The following FARP1 variants were observed in gnomAD, a reference collection of about 807,000 sequenced individuals.
FARP1 encodes the protein FERM, ARHGEF and pleckstrin domain-containing protein 1.
Under a neutral mutation model 128.8 loss-of-function variants are expected in FARP1, and 52 were observed. That is an observed-to-expected ratio of 0.40 (90% CI 0.32 to 0.51). The LOEUF is 0.51. Ranked by LOEUF, FARP1 falls within the 20% of genes least tolerant of loss-of-function variation. The pLI is 0.45. For missense variants in FARP1, 1,333 were observed against 1,367.9 expected (o/e 0.97, Z 0.40); for synonymous variants, 580 against 551.8 (o/e 1.05, Z -0.72).
In FARP1 at chr13:98,448,406, C is replaced by T. The variant is rs980649801; in HGVS notation, c.*89C>T. 2.8e-6 allele frequency: 3 copies of T among 1,079,424 alleles called. No homozygotes were observed. The African/African-American group carries it at 4.7e-5, about 17-fold the overall frequency. 66.9% of individuals were successfully genotyped at this position (1,079,424 alleles called of 1,614,324 possible). On this transcript the variant is annotated 3_prime_UTR_variant, in exon 27 of 27. Transcript: ENST00000319562. ...TAATGAAGCCTGGTAAAATTAACAC[C>T]TGTCTGAAAATCAAAAACATGGCTT...
At chr13:98,400,730 T>C (rs938495421) in intron 13 of FARP1, 8 of 152,258 alleles carry the variant, frequency 5.3e-5, no homozygotes, top group Non-Finnish European at 1.2e-4. Flanking sequence ...TTCTCTTTTA[T>C]GGTCTGTAAA....
At chr13:98,349,603 G>A (rs34715617) in intron 3 of FARP1, among the ~76,000 whole-genome samples, 22,940 of 148,096 alleles carry the variant, frequency 0.15, 2,286 homozygotes, top group South Asian at 0.26. Flanking sequence ...CCCAGGAGGC[G>A]GAGGATGCAG....
chr13:98,256,977 A>G (rs1176902002), intron 2 of FARP1, among the ~76,000 whole-genome samples: 18 of 132,894 alleles, frequency 1.4e-4, no homozygotes, highest in Non-Finnish European at 1.9e-4. Flanking sequence ...ATATATATAT[A>G]TATATATATA....
At chr13:98,279,963 G>T (rs1403215821) in intron 2 of FARP1, among the ~76,000 whole-genome samples, 5 of 152,054 alleles carry the variant, frequency 3.3e-5, no homozygotes, top group Non-Finnish European at 7.4e-5. Context: ...ACCTTTCTCA[G>T]GTGTTTTCAG....
At chr13:98,359,720 T>C (rs1387413869) in intron 3 of FARP1, among the ~76,000 whole-genome samples, 1 of 152,212 alleles carries the variant, frequency 6.6e-6, no homozygotes, top group Non-Finnish European at 1.5e-5. Context: ...CAGTAAGCGG[T>C]TGTGCAGGTT....
At chr13:98,312,626 T>C (rs919317014) in intron 2 of FARP1, among the ~76,000 whole-genome samples, 2 of 152,172 alleles carry the variant, frequency 1.3e-5, no homozygotes, top group African/African-American at 4.8e-5. Context: ...CTCAGTGGAA[T>C]AATTAGTACA....
At chr13:98,441,363 C>T (rs1165186461) in intron 24 of FARP1, among the ~76,000 whole-genome samples, 1 of 152,230 alleles carries the variant, frequency 6.6e-6, no homozygotes, top group Non-Finnish European at 1.5e-5. Context: ...ATTTCATCGT[C>T]ATTTTACATG....
At position 98,249,253 on chromosome 13, in the gene FARP1, C is replaced by G. The variant is rs79966620; in HGVS notation, c.171+35840C>G. Among the ~76,000 whole-genome samples the G allele has an allele frequency of 6.3e-3, 965 of 152,186 alleles. 9 individuals carry two copies. The highest frequency in any genetic ancestry group is 0.022 in the African/African-American group (911 of 41,514). On this transcript the variant is annotated intron_variant, in intron 2 of 26. Coordinates refer to ENST00000319562, the MANE Select transcript of FARP1 (RefSeq NM_005766.4). ...TAGACGAATAGGAATTTTCAGGTAT[C>G]TTTTGTGATGCTTTAATTGAATTAT...
chr13:98,268,337 G>C (rs542145702), intron 2 of FARP1, among the ~76,000 whole-genome samples: 10 of 152,278 alleles, frequency 6.6e-5, no homozygotes, highest in Non-Finnish European at 1.5e-4. Flanking sequence ...GGAATAAATA[G>C]GTTTGCATGT....
intron 1 of FARP1, among the ~76,000 whole-genome samples, chr13:98,180,450 A>C (rs1333261374): frequency 1.3e-5 from 2 of 152,204 alleles, no homozygotes; most frequent in African/African-American, 4.8e-5. Context: ...TGGAGGGGAC[A>C]GACATCCAAA....
chr13:98,309,546 C>G (rs898735734), intron 2 of FARP1, among the ~76,000 whole-genome samples: 6 of 152,090 alleles, frequency 3.9e-5, no homozygotes, highest in African/African-American at 1.4e-4. Context: ...TATTCTATTT[C>G]TCCTGGACAG....
intron 1 of FARP1, among the ~76,000 whole-genome samples, chr13:98,147,622 T>C (rs1875667748): frequency 6.6e-6 from 1 of 151,966 alleles, no homozygotes; most frequent in Admixed American, 6.6e-5. Context: ...TTCTTGTTCA[T>C]TCAGGATCTA....
At chr13:98,430,279 T>C (rs1370987628) in intron 17 of FARP1, among the ~76,000 whole-genome samples, 2 of 152,128 alleles carry the variant, frequency 1.3e-5, no homozygotes, top group Non-Finnish European at 2.9e-5. Flanking sequence ...ATTTGGGAGT[T>C]ACCAGCACAT....
chr13:98,300,071 CT>C (rs1885859147), intron 2 of FARP1, among the ~76,000 whole-genome samples: 1 of 152,048 alleles, frequency 6.6e-6, no homozygotes, highest in Admixed American at 6.5e-5. Flanking sequence ...AAAACACTCC[CT>C]CTCAGTCCCA....
chr13:98,446,888 C>CCAAGT, intron 26 of FARP1, 71 bp downstream of exon 26: 1 of 1,544,732 alleles, frequency 6.5e-7, no homozygotes, highest in South Asian at 1.2e-5. Context: ...AGGATTTCTC[C>CCAAGT]CAAGTCAGCG....
intron 1 of FARP1, among the ~76,000 whole-genome samples, chr13:98,200,399 TC>T (rs1879866264): frequency 1.8e-5 from 1 of 56,686 alleles, no homozygotes; most frequent in African/African-American, 6.4e-5. Flanking sequence ...CCCCCCCCCC[TC>T]CCCTTTGTGA....
intron 13 of FARP1, among the ~76,000 whole-genome samples, chr13:98,407,994 C>G (rs1284034050): frequency 6.6e-6 from 1 of 152,146 alleles, no homozygotes; most frequent in African/African-American, 2.4e-5. Context: ...TCCACCTTTT[C>G]CCTTAGAGAT....
intron 2 of FARP1, among the ~76,000 whole-genome samples, chr13:98,242,365 C>T (rs12865611): frequency 0.32 from 48,537 of 152,006 alleles, 9,279 homozygotes; most frequent in East Asian, 0.62. Context: ...GATCATTTTT[C>T]ATCCTAAAGA....
chr13:98,317,924 CTCCT>C (rs1210741781), intron 2 of FARP1, among the ~76,000 whole-genome samples: 1 of 150,708 alleles, frequency 6.6e-6, no homozygotes, highest in East Asian at 1.9e-4. Flanking sequence ...TCCTTCCTCT[CTCCT>C]TCCTTTCCTT....
Sources: gnomAD v4.1 joint callset for allele counts (sites outside exome capture counted in the v4.1 genomes callset) on GRCh38, gnomAD v4.1.1 for gene constraint, MANE v1.5 for transcripts, NCBI Gene and HGNC (gene_info 2026-07-23, HGNC 2026-07-21) for gene names.